TMEM232: variants seen among roughly 807,000 people sequenced by gnomAD.
TMEM232 encodes the protein transmembrane protein 232.
Under a neutral mutation model 78.8 loss-of-function variants are expected in TMEM232, and 80 were observed. That is an observed-to-expected ratio of 1.01 (90% CI 0.85 to 1.22). The LOEUF is 1.22. TMEM232 is among the 50% of genes most tolerant of loss of function. The pLI is 0.00. For missense variants in TMEM232, 881 were observed against 742.2 expected, an observed-to-expected ratio of 1.19 and a Z score of -2.17; for synonymous variants, 297 against 254.3, an observed-to-expected ratio of 1.17 and a Z score of -1.60.
chr5:110,598,542 C>T (rs1580308623), intron 10 of TMEM232, among the ~76,000 whole-genome samples: 2 of 152,044 alleles, frequency 1.3e-5, no homozygotes, highest in South Asian at 2.1e-4. Context: ...AATCATGCTG[C>T]TATAAAGACA....
chr5:110,546,376 T>C (rs540172689), intron 11 of TMEM232, among the ~76,000 whole-genome samples: 9 of 152,122 alleles, frequency 5.9e-5, no homozygotes, highest in Non-Finnish European at 1.3e-4. Flanking sequence ...TTGTTTATCA[T>C]ATAAATTGCA....
chr5:110,462,623 A>C (rs1761656580), intron 12 of TMEM232, among the ~76,000 whole-genome samples: 1 of 152,092 alleles, frequency 6.6e-6, no homozygotes, highest in Admixed American at 6.5e-5. Context: ...TGGCTTCCCT[A>C]CTTTTGAGGT....
intron 1 of TMEM232, among the ~76,000 whole-genome samples, chr5:110,675,876 T>C (rs138373360): frequency 6.6e-6 from 1 of 152,270 alleles, no homozygotes; most frequent in African/African-American, 2.4e-5. Flanking sequence ...CCAGAATTTA[T>C]TGATTTTAAC....
At chr5:110,595,487 G>C (rs1780050761) in intron 10 of TMEM232, among the ~76,000 whole-genome samples, 1 of 152,102 alleles carries the variant, frequency 6.6e-6, no homozygotes, top group South Asian at 2.1e-4. Context: ...TGAGCTAAAG[G>C]AGCATGTTCT....
At chr5:110,489,814 CA>C in intron 12 of TMEM232, among the ~76,000 whole-genome samples, 1 of 151,988 alleles carries the variant, frequency 6.6e-6, no homozygotes, top group Middle Eastern at 3.4e-3. Flanking sequence ...TCACAGGAAA[CA>C]AGGTCAATAT....
intron 11 of TMEM232, among the ~76,000 whole-genome samples, chr5:110,564,319 T>C (rs1043391040): frequency 1.3e-5 from 2 of 151,946 alleles, no homozygotes; most frequent in Non-Finnish European, 2.9e-5. Flanking sequence ...TGGAATATCA[T>C]AGGATGCCAT....
At chr5:110,436,102 C>T (rs1758404135) in intron 12 of TMEM232, among the ~76,000 whole-genome samples, 1 of 151,950 alleles carries the variant, frequency 6.6e-6, no homozygotes, top group African/African-American at 2.4e-5. Flanking sequence ...CTTCTCTCCA[C>T]ATCCTCTCTA....
At chr5:110,557,856 T>A (rs1021899781) in intron 11 of TMEM232, among the ~76,000 whole-genome samples, 6 of 152,168 alleles carry the variant, frequency 3.9e-5, no homozygotes, top group African/African-American at 1.4e-4. Flanking sequence ...CCAAACTATA[T>A]CAAAGACACT....
intron 10 of TMEM232, among the ~76,000 whole-genome samples, chr5:110,588,028 A>G (rs1016269649): frequency 6.6e-6 from 1 of 151,970 alleles, no homozygotes; most frequent in Non-Finnish European, 1.5e-5. Context: ...TTCTTGAATA[A>G]CCTTCACCAA....
At chr5:110,435,738 C>A (rs1758359181) in intron 12 of TMEM232, among the ~76,000 whole-genome samples, 1 of 151,900 alleles carries the variant, frequency 6.6e-6, no homozygotes, top group Non-Finnish European at 1.5e-5. Flanking sequence ...GCTTATTTCA[C>A]CTAACATGAT....
intron 10 of TMEM232, among the ~76,000 whole-genome samples, chr5:110,588,625 T>C (rs1779134407): frequency 6.6e-6 from 1 of 152,136 alleles, no homozygotes; most frequent in Non-Finnish European, 1.5e-5. Flanking sequence ...TTTATTTTGG[T>C]TGCCTCCAGG....
chr5:110,598,832 A>G (rs1190015498), intron 10 of TMEM232, among the ~76,000 whole-genome samples: 1 of 130,410 alleles, frequency 7.7e-6, no homozygotes. Context: ...GGACACAGGA[A>G]GAGGAACATC....
At chr5:110,501,343 A>G (rs774899943) in intron 12 of TMEM232, among the ~76,000 whole-genome samples, 3 of 152,114 alleles carry the variant, frequency 2.0e-5, no homozygotes, top group Non-Finnish European at 4.4e-5. Flanking sequence ...TTTATAAAGG[A>G]ATTGTAAGAG....
At chr5:110,516,276 A>C (rs1026900552) in intron 12 of TMEM232, among the ~76,000 whole-genome samples, 1 of 152,184 alleles carries the variant, frequency 6.6e-6, no homozygotes, top group Admixed American at 6.5e-5. Context: ...GAACAAACTA[A>C]GCATGAATAA....
chr5:110,654,468 GGT>G lies in TMEM232; in HGVS notation c.126-12099_126-12098del, dbSNP rs1561460425. Among the ~76,000 whole-genome samples the G allele has an allele frequency of 1.6e-4, 24 of 152,196 alleles. No individual in the cohort carries two copies. The South Asian group carries it at 5.0e-3, about 32-fold the overall frequency. Reference sequence around the variant, plus strand: ...AAAGATCAGATAGTTGTAGATATGTGGTGCTATTTCTGAGGGCTCTGTTCTAT... The same window carrying G: ...AAAGATCAGATAGTTGTAGATATGTGGCTATTTCTGAGGGCTCTGTTCTAT... On this transcript the variant is annotated intron_variant, in intron 2 of 13. Transcript: ENST00000455884.
intron 12 of TMEM232, among the ~76,000 whole-genome samples, chr5:110,526,690 T>A (rs1770650093): frequency 6.6e-6 from 1 of 151,924 alleles, no homozygotes; most frequent in Non-Finnish European, 1.5e-5. Flanking sequence ...ACCCAGAAAT[T>A]ACACTTCTGA....
At chr5:110,485,363 G>GT (rs1764349214) in intron 12 of TMEM232, among the ~76,000 whole-genome samples, 2 of 152,040 alleles carry the variant, frequency 1.3e-5, no homozygotes, top group Admixed American at 1.3e-4. Flanking sequence ...GGTTACATGA[G>GT]TAAGTTGGTG....
chr5:110,565,914 C>A (rs969421337), intron 11 of TMEM232, among the ~76,000 whole-genome samples: 8 of 151,798 alleles, frequency 5.3e-5, no homozygotes, highest in African/African-American at 1.7e-4. Flanking sequence ...CAATTTTCAT[C>A]ATTTATATTT....
At chr5:110,523,538 C>T (rs766486954) in intron 12 of TMEM232, among the ~76,000 whole-genome samples, 12 of 151,944 alleles carry the variant, frequency 7.9e-5, no homozygotes, top group South Asian at 2.1e-4. Context: ...CTTAGTACTG[C>T]TTTTGCTCCA....
Sources: allele counts gnomAD v4.1 joint callset (sites outside exome capture counted in the v4.1 genomes callset), GRCh38; gene constraint gnomAD v4.1.1; transcripts MANE v1.5; gene names NCBI Gene and HGNC (gene_info 2026-07-23, HGNC 2026-07-21).